Variants in EFHC2 observed in about 807,000 individuals in gnomAD.
EFHC2 encodes the protein EF-hand domain containing 2.
A neutral mutation model predicts 52.7 loss-of-function variants in EFHC2; 18 were observed. That is an observed-to-expected ratio of 0.34 (90% CI 0.24 to 0.51). EFHC2 has a LOEUF of 0.51. Ranked by LOEUF, EFHC2 falls within the 20% of genes least tolerant of loss-of-function variation. The pLI, the probability that EFHC2 is intolerant of heterozygous loss-of-function variation, is 0.97. For missense variants in EFHC2, 513 were observed against 562.5 expected (o/e 0.91, Z 0.89); for synonymous variants, 203 against 204.1 (o/e 0.99, Z 0.04).
At chrX:44,212,060 T>A (rs752751741) in intron 11 of EFHC2, among the ~76,000 whole-genome samples, 24 of 108,483 alleles carry the variant, frequency 2.2e-4, no homozygotes, top group African/African-American at 7.7e-4. Flanking sequence ...TGGACTGTAA[T>A]TGGAATGCTG....
At chrX:44,270,597 C>T (rs765214774) in intron 3 of EFHC2, among the ~76,000 whole-genome samples, 1 of 111,409 alleles carries the variant, frequency 9.0e-6, no homozygotes, top group Non-Finnish European at 1.9e-5. Context: ...TTCAGTAGGT[C>T]GTAAATATAC....
chrX:44,275,574 A>G (rs772599947), intron 2 of EFHC2, among the ~76,000 whole-genome samples: 1 of 109,323 alleles, frequency 9.1e-6, no homozygotes, highest in South Asian at 4.1e-4. Flanking sequence ...CATAATTATG[A>G]TGTAAGGTGT....
Position 44,164,009 on chromosome X carries a change from T to G in EFHC2, c.2061A>C (p.Lys687Asn), listed in dbSNP as rs1315425628. ...SLLSRFEDSE[K>N]QIDYKSFFSA... is the part of the protein sequence containing the mutation. Reference sequence around the variant, plus strand: ...AGAAAAATGACTTATAATCTATTTGTTTTTCACTGTCTTCAAACCTGAAAA... The same window carrying G: ...AGAAAAATGACTTATAATCTATTTGGTTTTCACTGTCTTCAAACCTGAAAA... The change falls in exon 14 of 15, where the codon AAA becomes AAC. Residue 687 changes from lysine (K) to asparagine (N), a missense_variant. Physicochemically the swap from Lys to Asn is moderately conservative, Grantham distance 94. Coordinates refer to ENST00000420999, the MANE Select transcript of EFHC2 (RefSeq NM_025184.4). The G allele has an allele frequency of 3.5e-6, 4 of 1,135,070 alleles. No homozygotes were observed. The highest frequency in any genetic ancestry group is 2.7e-5 in the Admixed American group (1 of 36,954). 93.5% of individuals were successfully genotyped at this position (1,135,070 alleles called of 1,213,427 possible).
At chrX:44,284,957 G>A (rs61739262) in intron 2 of EFHC2, 24 of 112,051 alleles carry the variant, frequency 2.1e-4, no homozygotes, top group African/African-American at 7.5e-4. Context: ...ATTCTCTGAA[G>A]AGAAGCCATT....
chrX:44,232,406 A>G lies in EFHC2; in HGVS notation c.1620+75T>C, dbSNP rs187962473. The G allele has an allele frequency of 4.8e-4, 387 of 798,888 alleles. No individual in the cohort carries two copies. In the African/African-American group the frequency reaches 7.4e-3, roughly 15 times the overall value. 65.8% of individuals were successfully genotyped at this position (798,888 alleles called of 1,213,427 possible). A position where few individuals can be genotyped will look rare whatever the true frequency, so the allele number is the denominator to read the frequency against. On this transcript the variant is annotated intron_variant, in intron 10 of 14. Transcript: ENST00000420999. ...CAACTGGTGGCAAGATGAAGAAGAA[A>G]AGGCCCTAGAGAAAGAAAAACACAG...
intron 8 of EFHC2, among the ~76,000 whole-genome samples, chrX:44,236,314 G>T (rs1054552966): frequency 1.4e-4 from 16 of 111,858 alleles, no homozygotes; most frequent in Non-Finnish European, 3.0e-4. Flanking sequence ...ATGGTCTGTA[G>T]CAGAAGCATG....
At chrX:44,149,640 C>T (rs1309318131) in intron 14 of EFHC2, among the ~76,000 whole-genome samples, 1 of 111,305 alleles carries the variant, frequency 9.0e-6, no homozygotes, top group African/African-American at 3.3e-5. Context: ...CTCAGCCTCC[C>T]GAGTAGCTGG....
In EFHC2 at chrX:44,312,779, A is replaced by T. The variant is rs750487750; in HGVS notation, c.43-23T>A. 87 of 1,147,212 alleles carry T rather than the reference A, an allele frequency of 7.6e-5. No individual in the cohort carries two copies. The Middle Eastern group carries it at 1.6e-3, about 22-fold the overall frequency. 94.5% of individuals were successfully genotyped at this position (1,147,212 alleles called of 1,213,427 possible). A position where few individuals can be genotyped will look rare whatever the true frequency, so the allele number is the denominator to read the frequency against. ...CACCTGTGAACATAAGAGACAACAT[A>T]AAATAGCCAAAGTTACTCTTTATGA... On this transcript the variant is annotated intron_variant, in intron 1 of 14. Transcript: ENST00000420999.
At chrX:44,206,493 A>G (rs1049718843) in intron 11 of EFHC2, among the ~76,000 whole-genome samples, 1 of 112,331 alleles carries the variant, frequency 8.9e-6, no homozygotes, top group African/African-American at 3.2e-5. Context: ...CCTAGACATG[A>G]AAAATGACTT....
intron 14 of EFHC2, among the ~76,000 whole-genome samples, chrX:44,150,819 T>C (rs2036564704): frequency 9.0e-6 from 1 of 111,428 alleles, no homozygotes; most frequent in African/African-American, 3.3e-5. Context: ...AAAAGAGTTA[T>C]GTGAAGTCCT....
rs768439834 is a variant in EFHC2 at position 44,148,871 on chromosome X, A to G, written c.2174T>C (p.Met725Thr). The change falls in exon 15 of 15, where the codon ATG (methionine) becomes ACG (threonine). Residue 725 changes from methionine to threonine, a missense_variant. Transcript: ENST00000420999. Reference sequence around the variant, plus strand: ...GTATTTCGCAGGAATAGGTGATGGCATACCAAGCCAAACATCTTCACATCT... The same window carrying G: ...GTATTTCGCAGGAATAGGTGATGGCGTACCAAGCCAAACATCTTCACATCT... ...KERCEDVWLGMPSPIPAKYID... is the reference protein window; with the variant it reads ...KERCEDVWLGTPSPIPAKYID... 8.5e-7 allele frequency: 1 copy of G among 1,183,264 alleles called. No homozygotes were observed. Among genetic ancestry groups the G allele is most frequent in the Non-Finnish European group, 1.1e-6 (1 of 880,055 alleles).
chrX:44,212,408 G>A (rs1330472712), intron 11 of EFHC2, among the ~76,000 whole-genome samples: 1 of 110,725 alleles, frequency 9.0e-6, no homozygotes, highest in Admixed American at 9.6e-5. Flanking sequence ...AAGTAACCAC[G>A]AGCCTGACCT....
At chrX:44,216,229 T>C (rs1449537256) in intron 11 of EFHC2, among the ~76,000 whole-genome samples, 2 of 111,912 alleles carry the variant, frequency 1.8e-5, no homozygotes, top group South Asian at 7.4e-4. Context: ...TTTCTGAGAG[T>C]GAGCAATTCA....
intron 1 of EFHC2, among the ~76,000 whole-genome samples, chrX:44,324,987 C>T (rs1341761428): frequency 2.7e-5 from 3 of 112,313 alleles, no homozygotes; most frequent in African/African-American, 9.7e-5. Flanking sequence ...TGTGAATTCA[C>T]ACATTCAAAC....
intron 11 of EFHC2, among the ~76,000 whole-genome samples, chrX:44,203,608 A>G (rs2037023604): frequency 9.0e-6 from 1 of 110,666 alleles, no homozygotes; most frequent in Admixed American, 9.6e-5. Flanking sequence ...TTTATTTGAG[A>G]TAGAGTCTCG....
chrX:44,249,608 T>C (rs1257714114), intron 5 of EFHC2, among the ~76,000 whole-genome samples: 20 of 111,514 alleles, frequency 1.8e-4, no homozygotes, highest in Non-Finnish European at 3.6e-4. Flanking sequence ...AGCTCTCAAA[T>C]GGCCATAAAT....
At chrX:44,155,310 C>T (rs1189992092) in intron 14 of EFHC2, among the ~76,000 whole-genome samples, 1 of 111,952 alleles carries the variant, frequency 8.9e-6, no homozygotes, top group Non-Finnish European at 1.9e-5. Context: ...AGCTGCCGAT[C>T]TGTAAAATCG....
At chrX:44,308,670 T>C (rs1159008684) in intron 2 of EFHC2, among the ~76,000 whole-genome samples, 5 of 111,945 alleles carry the variant, frequency 4.5e-5, no homozygotes. Flanking sequence ...CAACCTGTCT[T>C]CTATCTGGCA....
chrX:44,221,793 T>C (rs1006786401), intron 11 of EFHC2, among the ~76,000 whole-genome samples: 1 of 112,133 alleles, frequency 8.9e-6, no homozygotes, highest in Admixed American at 9.5e-5. Flanking sequence ...AGTTTAAAAA[T>C]TGCATTCATT....
Sources: allele counts gnomAD v4.1 joint callset (sites outside exome capture counted in the v4.1 genomes callset), GRCh38; gene constraint gnomAD v4.1.1; transcripts MANE v1.5; gene names NCBI Gene and HGNC (gene_info 2026-07-23, HGNC 2026-07-21).